Variants in HOXB3 observed in about 807,000 individuals in gnomAD.
The protein encoded by HOXB3 is homeobox protein Hox-B3.
A neutral mutation model predicts 29.2 loss-of-function variants in HOXB3; 17 were observed. The ratio of observed to expected loss-of-function variants is 0.58; its 90% CI spans 0.40 to 0.87. The LOEUF (loss-of-function observed/expected upper bound fraction) is 0.87. Ranked by LOEUF, HOXB3 falls within the 40% of genes least tolerant of loss-of-function variation. The pLI, the probability that HOXB3 is intolerant of heterozygous loss-of-function variation, is 0.00. For synonymous variants in HOXB3, 317 were observed against 285.9 expected (o/e 1.11, Z -1.10); for missense variants, 637 against 616.3 (o/e 1.03, Z -0.35).
rs1555636202 is a variant in HOXB3 at position 48,555,359 on chromosome 17, A to AGAGG, written c.-159+171_-159+172insCCTC. ...GGGAGAGAGAGAGAGAGAGAGAGAGAGAGAGGGAGGGAGGGAGGGAGGGAG... is the reference window on the plus strand; with the variant it reads ...GGGAGAGAGAGAGAGAGAGAGAGAGAGAGGGAGAGGGAGGGAGGGAGGGAGGGAG... On this transcript the variant is annotated intron_variant, in intron 3 of 4. Transcript: ENST00000498678. 1,747 of 517,570 alleles carry AGAGG rather than the reference A, an allele frequency of 3.4e-3. 45 individuals carry two copies. The East Asian group carries it at 0.055, about 16-fold the overall frequency. The allele number at this position is 517,570 out of a possible 1,614,324, so 32.1% of individuals were successfully genotyped here. A position where few individuals can be genotyped will look rare whatever the true frequency, so the allele number is the denominator to read the frequency against.
At chr17:48,583,213 G>A (rs1470988166) in intron 1 of HOXB3, among the ~76,000 whole-genome samples, 1 of 152,140 alleles carries the variant, frequency 6.6e-6, no homozygotes, top group African/African-American at 2.4e-5. Flanking sequence ...AGAGGTGCTG[G>A]GCTGGGCTGG....
chr17:48,573,699 T>C (rs2288277), intron 2 of HOXB3, 138 bp downstream of exon 2: 539,637 of 613,886 alleles, frequency 0.88, 238,364 homozygotes, highest in Non-Finnish European at 0.91. Flanking sequence ...GCAAACCTGC[T>C]GAAGCATCCA....
chr17:48,567,885 G>A (rs1214174877), intron 2 of HOXB3, among the ~76,000 whole-genome samples: 1 of 152,166 alleles, frequency 6.6e-6, no homozygotes, highest in Non-Finnish European at 1.5e-5. Flanking sequence ...TAGCCAGGAG[G>A]GTGGGGAGCC....
chr17:48,583,640 T>C (rs2069992140), intron 1 of HOXB3, among the ~76,000 whole-genome samples: 1 of 152,234 alleles, frequency 6.6e-6, no homozygotes, highest in South Asian at 2.1e-4. Flanking sequence ...AGAGGCCACT[T>C]CTTCCCCATC....
chr17:48,551,936 C>G, intron 4 of HOXB3, 91 bp downstream of exon 4: 1 of 1,265,886 alleles, frequency 7.9e-7, no homozygotes, highest in Non-Finnish European at 1.1e-6. Context: ...CCCAGGCAGC[C>G]TCGCGGGCGC....
At chr17:48,555,984 C>T (rs1052581355) in intron 2 of HOXB3, among the ~76,000 whole-genome samples, 1 of 152,078 alleles carries the variant, frequency 6.6e-6, no homozygotes, top group African/African-American at 2.4e-5. Flanking sequence ...CAGACACACA[C>T]ACACACTCAC....
At chr17:48,589,916 G>T (rs546069075) in intron 1 of HOXB3, among the ~76,000 whole-genome samples, 4 of 152,048 alleles carry the variant, frequency 2.6e-5, no homozygotes, top group African/African-American at 9.7e-5. Flanking sequence ...AGACACTCCT[G>T]TTGGTAAAAA....
chr17:48,579,295 A>G (rs1279318648), intron 1 of HOXB3: 1 of 152,282 alleles, frequency 6.6e-6, no homozygotes, highest in Non-Finnish European at 1.5e-5. Context: ...AATACTAACC[A>G]TGGGTCCGAG....
intron 1 of HOXB3, among the ~76,000 whole-genome samples, chr17:48,588,551 C>T (rs1297715679): frequency 2.0e-5 from 3 of 152,240 alleles, no homozygotes; most frequent in Admixed American, 2.0e-4. Context: ...CTCTCCCTTG[C>T]AGAGCTCTTT....
Position 48,550,955 on chromosome 17 carries a change from C to G in HOXB3, c.675G>C (p.Leu225=), listed in dbSNP as rs1324861367. Residue 225 remains leucine (L), a synonymous_variant, in exon 5 of 5, where the codon CTG becomes CTC. Coordinates refer to ENST00000498678, the MANE Select transcript of HOXB3 (RefSeq NM_001384749.1). ...TCTTGATCTGCCGCTCGCTGAGGTT[C>G]AGCAGGTTGGCCATCTCTACACGGC... ...RPRRVEMANL[L]NLSERQIKIW... 6.2e-7 allele frequency: 1 copy of G among 1,613,848 alleles called. No individual in the cohort carries two copies. The highest frequency in any genetic ancestry group is 2.2e-5 in the East Asian group (1 of 44,862).
chr17:48,566,056 G>A (rs565757931), intron 2 of HOXB3, among the ~76,000 whole-genome samples: 3 of 152,298 alleles, frequency 2.0e-5, no homozygotes, highest in Non-Finnish European at 4.4e-5. Flanking sequence ...GATACCAGCA[G>A]AGAGTTAGGG....
At position 48,554,666 on chromosome 17, in the gene HOXB3, C is replaced by G. The variant is rs751761476; in HGVS notation, c.-159+865G>C. On this transcript the variant is annotated intron_variant, in intron 3 of 4. Transcript: ENST00000498678. This position sits in a 1 kb window ranked among gnomAD's most constrained non-coding sequence, Gnocchi z 4.1. ...AAGGAGGCGAAGAAGAGCAAGCGAT[C>G]AGGACACCAAAACGGTTATCGGAGG... is the stretch of plus-strand genomic sequence containing the variant. 1 of 702,314 alleles carries G rather than the reference C, an allele frequency of 1.4e-6. No individual in the cohort carries two copies. Among genetic ancestry groups the G allele is most frequent in the East Asian group, 2.7e-5 (1 of 37,284 alleles). The allele number at this position is 702,314 out of a possible 1,614,324, so 43.5% of individuals were successfully genotyped here.
intron 4 of HOXB3, 155 bp from the exon 5 acceptor site, chr17:48,551,336 C>G (rs2068733436): frequency 1.1e-6 from 1 of 882,810 alleles, no homozygotes; most frequent in Non-Finnish European, 1.5e-6. Flanking sequence ...CCTCCTCACT[C>G]CCCCACCCCA....
Position 48,554,805 on chromosome 17 carries a change from TGCTCAGCAGGGCTCCGGGTTGGAGG to T in HOXB3, c.-159+701_-159+725del. ...CCTTAGAAACTCCGCTTCGGGACTT[TGCTCAGCAGGGCTCCGGGTTGGAGG>T]GCGCCGAGGCCTGGCGGACGGGACA... On this transcript the variant is annotated intron_variant, in intron 3 of 4. Transcript: ENST00000498678. This position sits in a 1 kb window ranked among gnomAD's most constrained non-coding sequence, Gnocchi z 4.1. 2.8e-6 allele frequency: 2 copies of T among 702,278 alleles called. No homozygotes were observed. Among genetic ancestry groups the T allele is most frequent in the South Asian group, 3.0e-5 (2 of 67,596 alleles). The allele number at this position is 702,278 out of a possible 1,614,324, so 43.5% of individuals were successfully genotyped here.
chr17:48,578,586 C>A (rs28501510), intron 1 of HOXB3: 6 of 395,836 alleles, frequency 1.5e-5, no homozygotes, highest in African/African-American at 2.4e-5. Flanking sequence ...ACATAGGGCT[C>A]CTGCGGGGCG....
intron 1 of HOXB3, chr17:48,582,261 G>A (rs1280382063): frequency 6.6e-6 from 1 of 152,220 alleles, no homozygotes; most frequent in Non-Finnish European, 1.5e-5. Flanking sequence ...GGAGAGAAAG[G>A]CCCAGAGGGG....
intron 2 of HOXB3, among the ~76,000 whole-genome samples, chr17:48,573,051 C>A (rs2069638765): frequency 6.6e-6 from 1 of 152,154 alleles, no homozygotes; most frequent in Admixed American, 6.5e-5. Context: ...GCTGCAGAGC[C>A]CACTGACTCC....
Position 48,552,564 on chromosome 17 carries a change from A to G in HOXB3, c.-90T>C. 3 of 764,464 alleles carry G rather than the reference A, an allele frequency of 3.9e-6. No individual in the cohort carries two copies. The highest frequency in any genetic ancestry group is 5.8e-5 in the South Asian group (2 of 34,716). The allele number at this position is 764,464 out of a possible 1,614,324, so 47.4% of individuals were successfully genotyped here. On this transcript the variant is annotated 5_prime_UTR_variant, in exon 4 of 5. Coordinates refer to ENST00000498678, the MANE Select transcript of HOXB3 (RefSeq NM_001384749.1). The stretch of plus-strand genomic sequence containing the variant: ...TTGGCAACCCTGGGGGTCACGTGAC[A>G]CGCCGGACCCCCCCCCCCCACCTCC...
chr17:48,558,186 A>G (rs2069065689), intron 2 of HOXB3, among the ~76,000 whole-genome samples: 2 of 152,224 alleles, frequency 1.3e-5, no homozygotes, highest in African/African-American at 4.8e-5. Context: ...GCCTCTAGGA[A>G]TAACACGAGA....
Sources: allele counts gnomAD v4.1 joint callset (sites outside exome capture counted in the v4.1 genomes callset), GRCh38; gene constraint gnomAD v4.1.1; non-coding constraint Gnocchi (gnomAD v3.1); transcripts MANE v1.5; gene names NCBI Gene and HGNC (gene_info 2026-07-23, HGNC 2026-07-21).